Variants in RABEP1 observed in about 807,000 individuals in gnomAD.
RABEP1 encodes the protein rab GTPase-binding effector protein 1.
A neutral mutation model predicts 123.4 loss-of-function variants in RABEP1; 51 were observed. That is an observed-to-expected ratio of 0.41 (90% confidence interval 0.33 to 0.52). The LOEUF (loss-of-function observed/expected upper bound fraction) is 0.52. RABEP1 is among the 20% of genes least tolerant of loss of function. The probability of loss-of-function intolerance (pLI) is 0.16; values close to 1 mark genes in which losing one functional copy is unlikely to be tolerated. For synonymous variants in RABEP1, 347 were observed against 355.2 expected (o/e 0.98, Z 0.26); for missense variants, 888 against 996.3 (o/e 0.89, Z 1.46).
chr17:5,326,755 CT>C (rs1214538658), intron 2 of RABEP1, among the ~76,000 whole-genome samples: 2 of 151,988 alleles, frequency 1.3e-5, no homozygotes, highest in African/African-American at 4.8e-5. Context: ...TGGGAAACCT[CT>C]GTATTTTCTG....
Position 5,335,218 on chromosome 17 carries a change from T to C in RABEP1, c.402T>C (p.Leu134=), listed in dbSNP as rs1203129985. ...TVRDYEHQFH[L]RLEQERTQWA... ...GTGACTATGAGCACCAGTTCCACCT[T>C]AGGCTGGAGCAGGAGCGAACACAGT... Residue 134 remains leucine (L), a synonymous_variant, in exon 4 of 18, where the codon CTT becomes CTC. Transcript: ENST00000537505. 6.2e-6 allele frequency: 10 copies of C among 1,613,662 alleles called. No individual in the cohort carries two copies. Among genetic ancestry groups the C allele is most frequent in the Non-Finnish European group, 8.5e-6 (10 of 1,179,804 alleles).
chr17:5,296,245 C>T (rs2075082419), intron 1 of RABEP1, among the ~76,000 whole-genome samples: 1 of 152,062 alleles, frequency 6.6e-6, no homozygotes, highest in South Asian at 2.1e-4. Context: ...CATTTTGGTA[C>T]TGCATTGGGT....
intron 11 of RABEP1, among the ~76,000 whole-genome samples, chr17:5,367,418 C>CGTG (rs1327828435): frequency 1.3e-5 from 2 of 151,608 alleles, no homozygotes; most frequent in Non-Finnish European, 2.9e-5. Context: ...ACTACAGGCA[C>CGTG]CCGCCACCAC....
chr17:5,285,024 G>A (rs1250900931), intron 1 of RABEP1, among the ~76,000 whole-genome samples: 5 of 151,780 alleles, frequency 3.3e-5, no homozygotes, highest in Non-Finnish European at 7.4e-5. Context: ...TGGTAGATTA[G>A]GAAAATCGAT....
intron 1 of RABEP1, among the ~76,000 whole-genome samples, chr17:5,299,739 TTTTTTTTTG>T (rs2075118958): frequency 3.2e-5 from 4 of 126,934 alleles, no homozygotes; most frequent in Admixed American, 2.3e-4. Flanking sequence ...TTCTTTTTTT[TTTTTTTTTG>T]GAGGCAGAGT....
At chr17:5,358,767 G>GT (rs1244408824) in intron 8 of RABEP1, among the ~76,000 whole-genome samples, 1 of 152,032 alleles carries the variant, frequency 6.6e-6, no homozygotes, top group Non-Finnish European at 1.5e-5. Flanking sequence ...TTTGTTTTGT[G>GT]TTTTTTGAGA....
intron 4 of RABEP1, among the ~76,000 whole-genome samples, 166 bp downstream of exon 4, chr17:5,335,510 A>AT (rs1346949782): frequency 6.6e-6 from 1 of 151,984 alleles, no homozygotes; most frequent in African/African-American, 2.4e-5. Context: ...ATCTATGGCT[A>AT]ACTCTCTCAC....
rs191607143 is a variant in RABEP1, at chr17:5,286,935, A to G, written c.34+4415A>G. 1.6e-3 allele frequency among the ~76,000 whole-genome samples: 246 copies of G among 152,344 alleles called. 1 individual carries two copies. Among genetic ancestry groups the G allele is most frequent in the African/African-American group, 5.5e-3 (230 of 41,588 alleles). ...TATTGAGAAGATGACATTTGTGCAA[A>G]GACTTGAAGTAGATAGAGGAGTTAG... On this transcript the variant is annotated intron_variant, in intron 1 of 17. Coordinates refer to ENST00000537505, the MANE Select transcript of RABEP1 (RefSeq NM_004703.6).
chr17:5,333,238 G>T (rs1906735281), intron 3 of RABEP1, among the ~76,000 whole-genome samples: 1 of 151,772 alleles, frequency 6.6e-6, no homozygotes, highest in Non-Finnish European at 1.5e-5. Context: ...TCTCGGTTCA[G>T]TGCAACCTCC....
intron 1 of RABEP1, among the ~76,000 whole-genome samples, chr17:5,303,895 T>C (rs2075157088): frequency 1.3e-5 from 2 of 151,918 alleles, no homozygotes; most frequent in African/African-American, 2.4e-5. Flanking sequence ...TAGCTGTGAG[T>C]GGTGGTGGGC....
rs756087430 is a variant in RABEP1, at chr17:5,350,432, T to TG, written c.785-12dup. On this transcript the variant is annotated intron_variant, in intron 6 of 17. Transcript: ENST00000537505. ...AAAATTCAGTGTTTTTGATTTGTGG[T>TG]GGGGGGGTTCCTAAACAGTTTGCCA... 20 of 1,587,404 alleles carry TG rather than the reference T, an allele frequency of 1.3e-5. No individual in the cohort carries two copies. Among genetic ancestry groups the TG allele is most frequent in the South Asian group, 3.5e-5 (3 of 86,490 alleles).
chr17:5,331,717 C>T (rs1167378397), intron 2 of RABEP1, among the ~76,000 whole-genome samples: 2 of 152,090 alleles, frequency 1.3e-5, no homozygotes, highest in Non-Finnish European at 2.9e-5. Flanking sequence ...TTCATTTAGT[C>T]AGCAGACGGG....
intron 13 of RABEP1, 125 bp downstream of exon 13, chr17:5,373,579 CCATT>C (rs1376658505): frequency 1.1e-5 from 12 of 1,111,244 alleles, no homozygotes; most frequent in Non-Finnish European, 1.2e-5. Flanking sequence ...TTAAAATGTA[CCATT>C]CAGTGGTTTT....
chr17:5,375,095 GTTTC>G (rs1050892544), intron 13 of RABEP1, among the ~76,000 whole-genome samples: 2 of 139,870 alleles, frequency 1.4e-5, no homozygotes, highest in Admixed American at 7.2e-5. Flanking sequence ...CTTTATACCT[GTTTC>G]TTTTTTTTTT....
At position 5,385,765 on chromosome 17, in the gene RABEP1, GTCC is replaced by G. The variant is rs1484882699; in HGVS notation, c.*2545_*2547del. ...CATTTGTTAACTGTACTGAAGGTGT[GTCC>G]TCAAGAAGAAAGTGTTCAAATTAAA... On this transcript the variant is annotated 3_prime_UTR_variant, in exon 18 of 18. Coordinates refer to ENST00000537505, the MANE Select transcript of RABEP1 (RefSeq NM_004703.6). 4.3e-6 allele frequency: 1 copy of G among 233,530 alleles called. No homozygotes were observed. The highest frequency in any genetic ancestry group is 2.2e-5 in the African/African-American group (1 of 45,296). The allele number at this position is 233,530 out of a possible 1,614,324, so 14.5% of individuals were successfully genotyped here.
chr17:5,379,751 G>A (rs1348253338), intron 15 of RABEP1, among the ~76,000 whole-genome samples: 1 of 152,126 alleles, frequency 6.6e-6, no homozygotes, highest in Non-Finnish European at 1.5e-5. Context: ...TTGAAATCAA[G>A]GTGATATTTA....
chr17:5,367,743 TA>T (rs1910180894), intron 11 of RABEP1, among the ~76,000 whole-genome samples: 1 of 150,804 alleles, frequency 6.6e-6, no homozygotes, highest in African/African-American at 2.4e-5. Context: ...TTATGTGAAA[TA>T]AAATTTTCTC....
At chr17:5,316,140 C>G (rs72634021) in intron 2 of RABEP1, among the ~76,000 whole-genome samples, 18,891 of 152,136 alleles carry the variant, frequency 0.12, 1,902 homozygotes, top group East Asian at 0.48. Flanking sequence ...ACTTAGCCAT[C>G]TACATAATCA....
rs530725213 is a variant in RABEP1 at position 5,354,035 on chromosome 17, CT to C, written c.964-323del. Among the ~76,000 whole-genome samples, 60 of 152,112 alleles carry C rather than the reference CT, an allele frequency of 3.9e-4. No homozygotes were observed. The South Asian group carries it at 0.012, about 29-fold the overall frequency. Reference sequence around the variant, plus strand: ...TTCTACAGTAATCACAAGGAATGTTCTGTGTAAATTTTTTTTTTCAAGGATC... The same window carrying C: ...TTCTACAGTAATCACAAGGAATGTTCGTGTAAATTTTTTTTTTCAAGGATC... On this transcript the variant is annotated intron_variant, in intron 7 of 17. Coordinates refer to ENST00000537505, the MANE Select transcript of RABEP1 (RefSeq NM_004703.6).
Sources: allele counts gnomAD v4.1 joint callset (sites outside exome capture counted in the v4.1 genomes callset), GRCh38; gene constraint gnomAD v4.1.1; transcripts MANE v1.5; gene names NCBI Gene and HGNC (gene_info 2026-07-23, HGNC 2026-07-21).